The following TFCP2 variants were observed in gnomAD, a reference collection of about 807,000 sequenced individuals.
TFCP2 encodes the protein alpha-globin transcription factor CP2.
Under a neutral mutation model 73.4 loss-of-function variants are expected in TFCP2, and 33 were observed. That is an observed-to-expected ratio of 0.45 (90% confidence interval 0.34 to 0.60). The LOEUF (loss-of-function observed/expected upper bound fraction) is 0.60, where lower values mean the gene tolerates loss of function less well. Ranked by LOEUF, TFCP2 falls within the 20% of genes least tolerant of loss-of-function variation. The pLI, the probability that TFCP2 is intolerant of heterozygous loss-of-function variation, is 0.01. For synonymous variants in TFCP2, 193 were observed against 211.6 expected, an observed-to-expected ratio of 0.91 and a Z score of 0.76; for missense variants, 352 against 604.0, an observed-to-expected ratio of 0.58 and a Z score of 4.37.
At chr12:51,108,011 G>T (rs534204814) in intron 6 of TFCP2, among the ~76,000 whole-genome samples, 1 of 151,246 alleles carries the variant, frequency 6.6e-6, no homozygotes, top group South Asian at 2.1e-4. Flanking sequence ...AGAGCTGGGC[G>T]CAGTGGCTCA....
At chr12:51,169,559 G>T (rs1331283647) in intron 1 of TFCP2, among the ~76,000 whole-genome samples, 1 of 151,432 alleles carries the variant, frequency 6.6e-6, no homozygotes, top group Non-Finnish European at 1.5e-5. Flanking sequence ...TGAAAAAAAG[G>T]ATGAAAAAAA....
At chr12:51,104,773 A>G (rs1432124415) in intron 8 of TFCP2, among the ~76,000 whole-genome samples, 3 of 150,302 alleles carry the variant, frequency 2.0e-5, no homozygotes, top group Non-Finnish European at 2.9e-5. Context: ...GTGCAGCGGC[A>G]TGATCTCGGC....
Position 51,124,950 on chromosome 12 carries a change from G to A in TFCP2, c.123-6178C>T, listed in dbSNP as rs183122250. ...GAGCCCAAATGTGGCTGCTTGCTCC[G>A]TAAGGTCGTTGCTCACCTGCCTGGA... is the stretch of plus-strand genomic sequence containing the variant. On this transcript the variant is annotated intron_variant, in intron 1 of 14. Coordinates refer to ENST00000257915, the MANE Select transcript of TFCP2 (RefSeq NM_005653.5). 5.0e-4 allele frequency: 382 copies of A among 762,938 alleles called. No individual in the cohort carries two copies. The Middle Eastern group carries it at 6.1e-3, about 12-fold the overall frequency. The allele number at this position is 762,938 out of a possible 1,614,324, so 47.3% of individuals were successfully genotyped here.
In TFCP2 at chr12:51,126,156, C is replaced by T. The variant is rs1940811407; in HGVS notation, c.123-7384G>A. Among the ~76,000 whole-genome samples, 4 of 149,718 alleles carry T rather than the reference C, an allele frequency of 2.7e-5. 1 individual carries two copies. Among genetic ancestry groups the T allele is most frequent in the African/African-American group, 9.8e-5 (4 of 40,684 alleles). ...GCTGAGGCAGGAGAATGGCGTGAAC[C>T]CGGGAGGCGGAGCTTGTAGTGAGCC... On this transcript the variant is annotated intron_variant, in intron 1 of 14. Transcript: ENST00000257915.
chr12:51,124,976 G>A (rs775488358), intron 1 of TFCP2: 2 of 738,420 alleles, frequency 2.7e-6, no homozygotes, highest in Non-Finnish European at 2.5e-6. Context: ...CCTGCCTGGA[G>A]ACCAGCTCTC....
intron 11 of TFCP2, among the ~76,000 whole-genome samples, chr12:51,101,321 A>G: frequency 6.6e-6 from 1 of 152,164 alleles, no homozygotes; most frequent in East Asian, 1.9e-4. Context: ...AATTAAAAAA[A>G]AGTAATTCCC....
intron 1 of TFCP2, among the ~76,000 whole-genome samples, chr12:51,149,353 T>G (rs1941371155): frequency 6.6e-6 from 1 of 151,754 alleles, no homozygotes; most frequent in Admixed American, 6.6e-5. Flanking sequence ...CACTACAATC[T>G]CAGAAATCAC....
chr12:51,106,852 G>T (rs948808719), intron 7 of TFCP2: 16 of 500,082 alleles, frequency 3.2e-5, no homozygotes, highest in East Asian at 3.2e-4. Context: ...GGCCATTTTT[G>T]TTGGTTATAA....
intron 1 of TFCP2, among the ~76,000 whole-genome samples, chr12:51,154,211 A>G (rs546864061): frequency 6.6e-5 from 10 of 152,218 alleles, no homozygotes; most frequent in Non-Finnish European, 1.5e-4. Flanking sequence ...AGTATACATT[A>G]GGTCATCCTT....
At chr12:51,167,299 G>A (rs1941775104) in intron 1 of TFCP2, among the ~76,000 whole-genome samples, 1 of 152,088 alleles carries the variant, frequency 6.6e-6, no homozygotes, top group African/African-American at 2.4e-5. Context: ...AAATAAACTA[G>A]GGTAAAACAA....
chr12:51,121,822 C>T (rs1055897374), intron 1 of TFCP2, among the ~76,000 whole-genome samples: 1 of 152,030 alleles, frequency 6.6e-6, no homozygotes, highest in Non-Finnish European at 1.5e-5. Flanking sequence ...AAATCTTTAC[C>T]TATAATTTAA....
At position 51,104,150 on chromosome 12, in the gene TFCP2, C is replaced by A; in HGVS notation, c.966+5G>T. 1 of 1,614,030 alleles carries A rather than the reference C, an allele frequency of 6.2e-7. No homozygotes were observed. The highest frequency in any genetic ancestry group is 8.5e-7 in the Non-Finnish European group (1 of 1,179,936). On this transcript the variant is annotated splice_donor_5th_base_variant and intron_variant, in intron 9 of 14. Transcript: ENST00000257915. ...CAAGTAACTGACATTCAACTTTAGACTTACATCTGTGACTGGAGGGGGTGG... is the reference window on the plus strand; with the variant it reads ...CAAGTAACTGACATTCAACTTTAGAATTACATCTGTGACTGGAGGGGGTGG...
At chr12:51,162,518 G>A (rs546916309) in intron 1 of TFCP2, among the ~76,000 whole-genome samples, 47 of 152,092 alleles carry the variant, frequency 3.1e-4, no homozygotes, top group Non-Finnish European at 6.0e-4. Context: ...TGTATCAATG[G>A]CTAAACCAAC....
chr12:51,103,780 GTT>G lies in TFCP2; in HGVS notation c.967-19_967-18del. 6.3e-7 allele frequency: 1 copy of G among 1,597,370 alleles called. No homozygotes were observed. The highest frequency in any genetic ancestry group is 8.6e-7 in the Non-Finnish European group (1 of 1,167,762). ...TAAGAGGTTCTGAAAGGGAGAGCAC[GTT>G]TTTTAGATAACCAAATAGATTTGTC... On this transcript the variant is annotated intron_variant, in intron 9 of 14. Transcript: ENST00000257915.
chr12:51,117,580 A>G, intron 3 of TFCP2, 91 bp downstream of exon 3: 1 of 1,001,236 alleles, frequency 1.0e-6, no homozygotes, highest in South Asian at 1.5e-5. Context: ...AGCCATTGGA[A>G]GCAAAAGAAC....
Position 51,097,671 on chromosome 12 carries a change from C to A in TFCP2, c.1419+1105G>T, listed in dbSNP as rs1939998085. On this transcript the variant is annotated intron_variant, in intron 13 of 14. Coordinates refer to ENST00000257915, the MANE Select transcript of TFCP2 (RefSeq NM_005653.5). Reference sequence around the variant, plus strand: ...AAATTTTTATTTAAAAACTTTATTTCAAACAAATATAGTAGGATAATCAAT... The same window carrying A: ...AAATTTTTATTTAAAAACTTTATTTAAAACAAATATAGTAGGATAATCAAT... 5.3e-5 allele frequency among the ~76,000 whole-genome samples: 8 copies of A among 152,010 alleles called. 1 individual carries two copies. The South Asian group carries it at 1.7e-3, about 32-fold the overall frequency.
At chr12:51,134,132 G>A (rs954638752) in intron 1 of TFCP2, among the ~76,000 whole-genome samples, 1 of 152,062 alleles carries the variant, frequency 6.6e-6, no homozygotes, top group Non-Finnish European at 1.5e-5. Context: ...CTTGTCACAT[G>A]TTCTTTAGTT....
chr12:51,128,102 A>G (rs910293741), intron 1 of TFCP2, among the ~76,000 whole-genome samples: 2 of 151,972 alleles, frequency 1.3e-5, no homozygotes, highest in African/African-American at 2.4e-5. Flanking sequence ...GTATTTTAGT[A>G]GAGATGGGGT....
At chr12:51,099,542 G>T in intron 12 of TFCP2, 113 bp downstream of exon 12, 2 of 1,319,750 alleles carry the variant, frequency 1.5e-6, no homozygotes, top group Non-Finnish European at 2.1e-6. Flanking sequence ...AGTGATTATT[G>T]TTACTTCTAG....
Sources: allele counts gnomAD v4.1 joint callset (sites outside exome capture counted in the v4.1 genomes callset), GRCh38; gene constraint gnomAD v4.1.1; transcripts MANE v1.5; gene names NCBI Gene and HGNC (gene_info 2026-07-23, HGNC 2026-07-21).